ZFR2: variants seen among roughly 807,000 people sequenced by gnomAD.
ZFR2 encodes the protein zinc finger RNA binding protein 2, also known as zinc finger RNA-binding protein 2.
ZFR2 carries 104 observed loss-of-function variants against 105.7 expected under a neutral mutation model. The observed-to-expected ratio is 0.98, with a 90% confidence interval of 0.84 to 1.16. The LOEUF is 1.16. Ranked by LOEUF, ZFR2 falls within the 50% of genes most tolerant of loss-of-function variation. The probability of loss-of-function intolerance (pLI) is 0.00; values close to 1 mark genes in which losing one functional copy is unlikely to be tolerated. For missense variants in ZFR2, 1,425 were observed against 1,355.5 expected, an observed-to-expected ratio of 1.05 and a Z score of -0.80; for synonymous variants, 634 against 597.7, an observed-to-expected ratio of 1.06 and a Z score of -0.89.
chr19:3,807,638 TG>T (rs2037712640), intron 17 of ZFR2, among the ~76,000 whole-genome samples: 1 of 151,292 alleles, frequency 6.6e-6, no homozygotes, highest in Non-Finnish European at 1.5e-5. Context: ...CATGTGTGCC[TG>T]TGTGTGCATG....
intron 1 of ZFR2, among the ~76,000 whole-genome samples, chr19:3,855,867 T>A (rs2038292743): frequency 6.6e-6 from 1 of 151,786 alleles, no homozygotes; most frequent in Admixed American, 6.6e-5. Context: ...GGTCAGAGAA[T>A]AAAGGGTGTG....
chr19:3,855,208 T>C (rs1599253912), intron 1 of ZFR2, among the ~76,000 whole-genome samples: 2 of 152,350 alleles, frequency 1.3e-5, no homozygotes, highest in East Asian at 3.9e-4. Flanking sequence ...GTTTTTCTTT[T>C]TTTAATGTGA....
chr19:3,818,903 A>T, intron 12 of ZFR2, 142 bp downstream of exon 12: 1 of 1,038,402 alleles, frequency 9.6e-7, no homozygotes, highest in Non-Finnish European at 1.4e-6. Flanking sequence ...GGAACTTCCT[A>T]CTCCTGGGGC....
intron 7 of ZFR2, among the ~76,000 whole-genome samples, chr19:3,824,579 G>A (rs1044782869): frequency 1.3e-5 from 2 of 152,168 alleles, no homozygotes; most frequent in Non-Finnish European, 2.9e-5. Flanking sequence ...TGGCAGCCCA[G>A]GGAACCCTGT....
At position 3,811,376 on chromosome 19, in the gene ZFR2, G is replaced by A. The variant is rs1486746663; in HGVS notation, c.2243-10C>T. On this transcript the variant is annotated splice_polypyrimidine_tract_variant and intron_variant, in intron 14 of 18. Transcript: ENST00000262961. ...TGAGGCTCCTCCACACCTTCTAGAAGAAAAACCTCGAGGTGTGCGGGGAAG... is the reference window on the plus strand; with the variant it reads ...TGAGGCTCCTCCACACCTTCTAGAAAAAAAACCTCGAGGTGTGCGGGGAAG... The A allele has an allele frequency of 6.4e-7, 1 of 1,571,472 alleles. No individual in the cohort carries two copies. The highest frequency in any genetic ancestry group is 1.9e-5 in the Admixed American group (1 of 53,970).
intron 11 of ZFR2, among the ~76,000 whole-genome samples, chr19:3,819,852 C>CA (rs1555754315): frequency 1.6e-4 from 22 of 138,692 alleles, no homozygotes; most frequent in South Asian, 4.5e-4. Context: ...GACTCTGTCT[C>CA]AAAAAAAAAT....
chr19:3,854,623 T>C (rs977539535), intron 1 of ZFR2, among the ~76,000 whole-genome samples: 1 of 152,044 alleles, frequency 6.6e-6, no homozygotes. Context: ...TGACACTAGA[T>C]GGTTAGGGCA....
chr19:3,839,468 G>A (rs954085030), intron 1 of ZFR2, among the ~76,000 whole-genome samples: 51 of 140,324 alleles, frequency 3.6e-4, no homozygotes, highest in African/African-American at 1.3e-3. Flanking sequence ...AGGAGGCGGA[G>A]GCGGAGGCTG....
intron 14 of ZFR2, among the ~76,000 whole-genome samples, chr19:3,812,447 A>T (rs888950108): frequency 6.6e-6 from 1 of 152,114 alleles, no homozygotes; most frequent in Non-Finnish European, 1.5e-5. Context: ...CGGGGGCAGG[A>T]AAAGGCCGAC....
chr19:3,841,861 A>G (rs1280666592), intron 1 of ZFR2, among the ~76,000 whole-genome samples: 5 of 151,770 alleles, frequency 3.3e-5, no homozygotes, highest in Admixed American at 3.3e-4. Flanking sequence ...ATCTTGGCTC[A>G]CTGCAACCTC....
At chr19:3,825,452 C>A in intron 6 of ZFR2, 45 bp from the exon 7 acceptor site, 1 of 1,521,576 alleles carries the variant, frequency 6.6e-7, no homozygotes, top group Non-Finnish European at 8.8e-7. Flanking sequence ...CCGCTCCCAG[C>A]CTGATGGCCT....
intron 5 of ZFR2, among the ~76,000 whole-genome samples, chr19:3,829,765 C>T (rs1024435104): frequency 6.6e-6 from 1 of 152,194 alleles, no homozygotes; most frequent in Admixed American, 6.5e-5. Flanking sequence ...CTACCGGCTT[C>T]GGCCTCCCAA....
Position 3,833,465 on chromosome 19 carries a change from A to G in ZFR2, c.379+199T>C, listed in dbSNP as rs1476125067. The G allele has an allele frequency of 5.7e-5, 26 of 455,456 alleles. 1 individual carries two copies. Among genetic ancestry groups the G allele is most frequent in the Non-Finnish European group, 1.0e-4 (26 of 247,684 alleles). The allele number at this position is 455,456 out of a possible 1,614,324, so 28.2% of individuals were successfully genotyped here. On this transcript the variant is annotated intron_variant, in intron 3 of 18. Coordinates refer to ENST00000262961, the MANE Select transcript of ZFR2 (RefSeq NM_015174.2). ...GTTGCAGGCACTTGTAGTCCCAGCTACTCGGGAGGCTGAGGCAGGAGAATG... is the reference window on the plus strand; with the variant it reads ...GTTGCAGGCACTTGTAGTCCCAGCTGCTCGGGAGGCTGAGGCAGGAGAATG...
Position 3,805,982 on chromosome 19 carries a change from C to T in ZFR2, c.2787G>A (p.Lys929=). The change falls in exon 19 of 19, where the codon AAG becomes AAA. Residue 929 remains lysine, a synonymous_variant. Transcript: ENST00000262961. ...GEGEEGAGEK[K]RGRRGGEGLV ...GCCCCTCTCCGCCCCGCCGGCCCCG[C>T]TTCTTCTCCCCTGCGCCCTCCTCTC... The T allele has an allele frequency of 6.5e-7, 1 of 1,542,936 alleles. No homozygotes were observed. The highest frequency in any genetic ancestry group is 8.7e-7 in the Non-Finnish European group (1 of 1,146,584).
intron 1 of ZFR2, among the ~76,000 whole-genome samples, chr19:3,862,152 T>C (rs969587791): frequency 6.6e-6 from 1 of 152,192 alleles, no homozygotes; most frequent in African/African-American, 2.4e-5. Context: ...GTATTTGTTC[T>C]GATCATTCTA....
chr19:3,830,579 A>T (rs898308412), intron 5 of ZFR2, among the ~76,000 whole-genome samples: 5 of 152,058 alleles, frequency 3.3e-5, no homozygotes, highest in Non-Finnish European at 5.9e-5. Flanking sequence ...CTGAGCAGGG[A>T]CCGGCCCCCC....
chr19:3,807,413 CCT>C, intron 17 of ZFR2, 144 bp from the exon 18 acceptor site: 1 of 627,118 alleles, frequency 1.6e-6, no homozygotes, highest in South Asian at 1.9e-5. Flanking sequence ...GACCCTCAGG[CCT>C]CTCTCAGCAG....
chr19:3,839,774 T>A (rs1476217744), intron 1 of ZFR2, among the ~76,000 whole-genome samples: 1 of 152,124 alleles, frequency 6.6e-6, no homozygotes, highest in Non-Finnish European at 1.5e-5. Context: ...ATCCTATTCC[T>A]TTTTCTTCCT....
In ZFR2 at chr19:3,805,925, C is replaced by T; in HGVS notation, c.*24G>A. On this transcript the variant is annotated 3_prime_UTR_variant, in exon 19 of 19. Coordinates refer to ENST00000262961, the MANE Select transcript of ZFR2 (RefSeq NM_015174.2). ...TCCAGGAGTGCAGGGATGCAAAGGC[C>T]CGCAGGTGGGGGAGGTAGGCGGCTC... 6.6e-7 allele frequency: 1 copy of T among 1,514,034 alleles called. No homozygotes were observed. Among genetic ancestry groups the T allele is most frequent in the South Asian group, 1.2e-5 (1 of 81,272 alleles). 93.8% of individuals were successfully genotyped at this position (1,514,034 alleles called of 1,614,324 possible).
Sources: gnomAD v4.1 joint callset for allele counts (sites outside exome capture counted in the v4.1 genomes callset) on GRCh38, gnomAD v4.1.1 for gene constraint, MANE v1.5 for transcripts, NCBI Gene and HGNC (gene_info 2026-07-23, HGNC 2026-07-21) for gene names.